Variants in CCDC91 observed in about 807,000 individuals in gnomAD.
CCDC91 encodes coiled-coil domain containing 91.
A neutral mutation model predicts 63.2 loss-of-function variants in CCDC91; 48 were observed. The ratio of observed to expected loss-of-function variants is 0.76; its 90% CI spans 0.60 to 0.97. The LOEUF is 0.97. CCDC91 is among the 50% of genes least tolerant of loss of function. The probability of loss-of-function intolerance (pLI) is 0.00; values close to 1 mark genes in which losing one functional copy is unlikely to be tolerated. For synonymous variants in CCDC91, 167 were observed against 165.8 expected (o/e 1.01, Z -0.06); for missense variants, 500 against 494.6 (o/e 1.01, Z -0.10).
chr12:28,531,305 A>G (rs1467132160), intron 12 of CCDC91, among the ~76,000 whole-genome samples: 3 of 152,202 alleles, frequency 2.0e-5, no homozygotes, highest in Non-Finnish European at 4.4e-5. Context: ...TCCTCAGTAA[A>G]TGAAGATTTT....
At chr12:28,229,183 T>G (rs1335514248) in intron 1 of CCDC91, among the ~76,000 whole-genome samples, 5 of 151,748 alleles carry the variant, frequency 3.3e-5, no homozygotes, top group Admixed American at 6.6e-5. Flanking sequence ...CTTTTTTCAT[T>G]GCTGCTGCTG....
chr12:28,211,573 T>C (rs1943234915), intron 1 of CCDC91, among the ~76,000 whole-genome samples: 1 of 152,192 alleles, frequency 6.6e-6, no homozygotes, highest in South Asian at 2.1e-4. Flanking sequence ...TTCTGTAGAT[T>C]GTTGTTCACT....
chr12:28,541,955 T>C (rs1274614299), intron 12 of CCDC91, among the ~76,000 whole-genome samples: 1 of 152,144 alleles, frequency 6.6e-6, no homozygotes, highest in Non-Finnish European at 1.5e-5. Flanking sequence ...GCAGCTACTA[T>C]ACAATATTAT....
At chr12:28,205,600 T>G (rs1942784808) in intron 1 of CCDC91, among the ~76,000 whole-genome samples, 1 of 152,162 alleles carries the variant, frequency 6.6e-6, no homozygotes, top group Non-Finnish European at 1.5e-5. Context: ...GAAGAAGTTT[T>G]GTAGACAAAA....
rs147419538 is a variant in CCDC91, at chr12:28,475,690, G to C, written c.1102-8362G>C. ...CTCTCCCCCTCTTTTATCATGTAAT[G>C]TATTCTACCATGTTATGATGCAGTA... On this transcript the variant is annotated intron_variant, in intron 11 of 12. Coordinates refer to ENST00000536442, the MANE Select transcript of CCDC91 (RefSeq NM_018318.5). 3.7e-4 allele frequency among the ~76,000 whole-genome samples: 56 copies of C among 151,966 alleles called. No individual in the cohort carries two copies. The East Asian group carries it at 0.011, about 29-fold the overall frequency.
intron 1 of CCDC91, among the ~76,000 whole-genome samples, chr12:28,207,049 T>C (rs562563147): frequency 6.6e-6 from 1 of 152,358 alleles, no homozygotes; most frequent in South Asian, 2.1e-4. Flanking sequence ...AGATTATCCA[T>C]GTATAAGGCT....
intron 12 of CCDC91, among the ~76,000 whole-genome samples, chr12:28,548,280 A>G (rs1036327990): frequency 3.3e-5 from 5 of 151,956 alleles, no homozygotes; most frequent in Non-Finnish European, 5.9e-5. Flanking sequence ...GTGTTGTTTT[A>G]TTTTTTTAAA....
intron 7 of CCDC91, among the ~76,000 whole-genome samples, chr12:28,386,840 T>C (rs1339510931): frequency 6.6e-6 from 1 of 152,244 alleles, no homozygotes; most frequent in African/African-American, 2.4e-5. Flanking sequence ...TGTTGGTATG[T>C]ATCTTGGCAT....
At chr12:28,304,681 C>G (rs1046187329) in intron 3 of CCDC91, 65 of 1,272,232 alleles carry the variant, frequency 5.1e-5, no homozygotes, top group Non-Finnish European at 6.3e-5. Flanking sequence ...TAGAACTTCA[C>G]TGAAGTTGCT....
intron 7 of CCDC91, among the ~76,000 whole-genome samples, chr12:28,377,084 T>C (rs1483990199): frequency 2.0e-5 from 3 of 151,692 alleles, no homozygotes; most frequent in Admixed American, 6.6e-5. Context: ...GGAATCTCTT[T>C]TAAGGCAATG....
chr12:28,425,407 C>T (rs1301122826), intron 8 of CCDC91, among the ~76,000 whole-genome samples: 1 of 152,124 alleles, frequency 6.6e-6, no homozygotes, highest in Non-Finnish European at 1.5e-5. Flanking sequence ...CCCCTTTCTT[C>T]CTCGTCTACT....
intron 1 of CCDC91, among the ~76,000 whole-genome samples, chr12:28,238,904 G>C (rs2135927717): frequency 6.6e-6 from 1 of 152,152 alleles, no homozygotes; most frequent in Non-Finnish European, 1.5e-5. Flanking sequence ...CAGATCACCT[G>C]AGGTCAGAAG....
chr12:28,389,635 G>A (rs993296457), intron 7 of CCDC91, among the ~76,000 whole-genome samples: 10 of 151,944 alleles, frequency 6.6e-5, no homozygotes, highest in African/African-American at 2.4e-4. Flanking sequence ...ACTAAAAATT[G>A]CAGTTGAATA....
chr12:28,321,313 T>A (rs1252639893), intron 6 of CCDC91, among the ~76,000 whole-genome samples: 1 of 151,894 alleles, frequency 6.6e-6, no homozygotes, highest in Non-Finnish European at 1.5e-5. Context: ...TGTTTGGCTG[T>A]TTCCCTTTCC....
At chr12:28,308,237 T>C (rs1938950373) in intron 6 of CCDC91, among the ~76,000 whole-genome samples, 1 of 152,040 alleles carries the variant, frequency 6.6e-6, no homozygotes, top group African/African-American at 2.4e-5. Flanking sequence ...ACTTACTCAA[T>C]GTCTGTTTCT....
intron 11 of CCDC91, among the ~76,000 whole-genome samples, chr12:28,474,402 T>C (rs1950975148): frequency 6.6e-6 from 1 of 152,134 alleles, no homozygotes; most frequent in African/African-American, 2.4e-5. Flanking sequence ...TTCTCTTTTT[T>C]TCAACATTAA....
chr12:28,285,576 A>G (rs1948863049), intron 3 of CCDC91, among the ~76,000 whole-genome samples: 1 of 151,636 alleles, frequency 6.6e-6, no homozygotes, highest in Non-Finnish European at 1.5e-5. Flanking sequence ...TATTGCAGCA[A>G]TTTGCCAATA....
chr12:28,250,004 G>A (rs1056304502), intron 1 of CCDC91, among the ~76,000 whole-genome samples: 1 of 152,070 alleles, frequency 6.6e-6, no homozygotes, highest in Non-Finnish European at 1.5e-5. Context: ...TGCAAAATCT[G>A]TGTAGACTAC....
chr12:28,344,849 T>A (rs1180943502), intron 6 of CCDC91, among the ~76,000 whole-genome samples: 1 of 152,148 alleles, frequency 6.6e-6, no homozygotes, highest in Admixed American at 6.5e-5. Flanking sequence ...CATTGCTTAA[T>A]GTCAGCCAGA....
Sources: gnomAD v4.1 joint callset for allele counts (sites outside exome capture counted in the v4.1 genomes callset) on GRCh38, gnomAD v4.1.1 for gene constraint, MANE v1.5 for transcripts, NCBI Gene and HGNC (gene_info 2026-07-23, HGNC 2026-07-21) for gene names.